The following SLC39A11 variants were observed in gnomAD, a reference collection of about 807,000 sequenced individuals.
The protein encoded by SLC39A11 is zinc transporter ZIP11.
In SLC39A11, 33 loss-of-function variants were observed where a neutral mutation model predicts 36.1. The observed-to-expected ratio is 0.91, with a 90% CI of 0.69 to 1.22. The LOEUF (loss-of-function observed/expected upper bound fraction) is 1.22, where lower values mean the gene tolerates loss of function less well. Among genes scored for constraint, SLC39A11 ranks in the 50% most tolerant of loss-of-function variants. The pLI is 0.00. For missense variants in SLC39A11, 432 were observed against 430.3 expected, an observed-to-expected ratio of 1.00 and a Z score of -0.03; for synonymous variants, 166 against 170.3, an observed-to-expected ratio of 0.97 and a Z score of 0.20.
At chr17:72,731,384 T>A (rs2074207879) in intron 7 of SLC39A11, among the ~76,000 whole-genome samples, 1 of 152,196 alleles carries the variant, frequency 6.6e-6, no homozygotes, top group African/African-American at 2.4e-5. Flanking sequence ...CATGTGGAAT[T>A]GTAATCCCCA....
chr17:72,760,257 G>C (rs1422345552), intron 6 of SLC39A11, among the ~76,000 whole-genome samples: 2 of 152,228 alleles, frequency 1.3e-5, no homozygotes, highest in African/African-American at 4.8e-5. Context: ...TGAACTCCTG[G>C]CTTCAGGCAA....
At chr17:73,089,165 C>T (rs66925860) in intron 1 of SLC39A11, among the ~76,000 whole-genome samples, 26,752 of 152,096 alleles carry the variant, frequency 0.18, 2,492 homozygotes, top group East Asian at 0.26. Flanking sequence ...GCCCACCATC[C>T]GCACTCAGCC....
chr17:72,758,821 T>C (rs1003781947), intron 6 of SLC39A11, among the ~76,000 whole-genome samples: 2 of 152,152 alleles, frequency 1.3e-5, no homozygotes, highest in African/African-American at 2.4e-5. Flanking sequence ...AGCCAGAGTG[T>C]TCCTAACTTG....
At chr17:72,902,187 C>T (rs565412930) in intron 5 of SLC39A11, among the ~76,000 whole-genome samples, 1 of 152,064 alleles carries the variant, frequency 6.6e-6, no homozygotes. Context: ...AGGATAATCG[C>T]TTAAACCTGG....
chr17:72,717,485 T>C (rs568256494), intron 7 of SLC39A11, among the ~76,000 whole-genome samples: 6 of 152,268 alleles, frequency 3.9e-5, no homozygotes, highest in Admixed American at 6.5e-5. Flanking sequence ...CTTGGTGGCA[T>C]TCCCCAGCTT....
intron 5 of SLC39A11, among the ~76,000 whole-genome samples, chr17:72,928,591 C>T (rs1567969567): frequency 6.6e-6 from 1 of 152,000 alleles, no homozygotes. Flanking sequence ...TAGGCTGTGG[C>T]TTTGAAGGAA....
intron 5 of SLC39A11, among the ~76,000 whole-genome samples, chr17:72,886,082 C>T (rs2081424620): frequency 6.6e-6 from 1 of 152,174 alleles, no homozygotes; most frequent in African/African-American, 2.4e-5. Flanking sequence ...CCCCAGTATT[C>T]CTGCATCCTC....
At chr17:72,951,064 C>T (rs975794041) in intron 4 of SLC39A11, among the ~76,000 whole-genome samples, 3 of 150,582 alleles carry the variant, frequency 2.0e-5, no homozygotes, top group East Asian at 2.0e-4. Flanking sequence ...GAGTTCGAGA[C>T]CAGCCTAGGC....
At chr17:72,713,309 C>A (rs1200354333) in intron 7 of SLC39A11, among the ~76,000 whole-genome samples, 2 of 152,186 alleles carry the variant, frequency 1.3e-5, no homozygotes, top group Admixed American at 1.3e-4. Context: ...GCAGCAGCAT[C>A]TCCCTGTTTC....
chr17:72,738,345 A>G (rs963356536), intron 6 of SLC39A11, among the ~76,000 whole-genome samples: 3 of 152,184 alleles, frequency 2.0e-5, no homozygotes, highest in Non-Finnish European at 4.4e-5. Context: ...AGAACATTCC[A>G]GCTTTCAAAG....
intron 3 of SLC39A11, among the ~76,000 whole-genome samples, chr17:73,074,888 G>A (rs1354850317): frequency 6.6e-6 from 1 of 152,150 alleles, no homozygotes; most frequent in Non-Finnish European, 1.5e-5. Context: ...TGATTGGTAA[G>A]ACTGTCTTTC....
intron 3 of SLC39A11, among the ~76,000 whole-genome samples, chr17:73,062,851 T>C (rs943402657): frequency 7.2e-5 from 11 of 152,164 alleles, no homozygotes; most frequent in Non-Finnish European, 1.2e-4. Context: ...CAGTTCACCA[T>C]AGGAGTTGTG....
chr17:72,975,828 T>C (rs2087801099), intron 4 of SLC39A11, among the ~76,000 whole-genome samples: 1 of 152,112 alleles, frequency 6.6e-6, no homozygotes, highest in Non-Finnish European at 1.5e-5. Flanking sequence ...AGGTATGGTG[T>C]ATAGAGCAGG....
chr17:73,030,972 A>G (rs2058720480), intron 4 of SLC39A11, among the ~76,000 whole-genome samples: 1 of 152,168 alleles, frequency 6.6e-6, no homozygotes, highest in African/African-American at 2.4e-5. Context: ...CCCCAATTCC[A>G]GTGCATTTTT....
In SLC39A11 at chr17:72,960,736, A is replaced by C. The variant is rs554134716; in HGVS notation, c.307-12861T>G. 1.2e-4 allele frequency among the ~76,000 whole-genome samples: 19 copies of C among 152,272 alleles called. No individual in the cohort carries two copies. The South Asian group carries it at 3.7e-3, about 30-fold the overall frequency. ...GGAGGCAGGAGGATCGCTTGGGCCC[A>C]ACAGCTGAAGGCTGCAGTGAGCCAT... On this transcript the variant is annotated intron_variant, in intron 4 of 9. Coordinates refer to ENST00000255559, the MANE Select transcript of SLC39A11 (RefSeq NM_139177.4).
At chr17:72,969,811 T>C (rs1410149778) in intron 4 of SLC39A11, among the ~76,000 whole-genome samples, 1 of 152,106 alleles carries the variant, frequency 6.6e-6, no homozygotes, top group Non-Finnish European at 1.5e-5. Flanking sequence ...TCTTTAATAT[T>C]TAAAAAAAAT....
intron 5 of SLC39A11, among the ~76,000 whole-genome samples, chr17:72,902,109 T>TA (rs1567917164): frequency 6.6e-6 from 1 of 151,712 alleles, no homozygotes; most frequent in East Asian, 1.9e-4. Context: ...CCGTCTCTAC[T>TA]AAAAATACAA....
In SLC39A11 at chr17:73,088,688, G is replaced by A; in HGVS notation, c.77C>T (p.Ala26Val). ...ACTAGAGAATACGAACACGAGAGCT[G>A]CCCCAGCTGCTGTCATCCCCCAGGT... ...FFTWGMTAAG[A>V]ALVFVFSSGQ... The change falls in exon 2 of 10, where the codon GCA becomes GTA. Residue 26 changes from alanine (A) to valine (V), a missense_variant. By Grantham distance (64) the Ala-to-Val change is moderately conservative. Transcript: ENST00000255559. 1 of 1,612,640 alleles carries A rather than the reference G, an allele frequency of 6.2e-7. No individual in the cohort carries two copies. The highest frequency in any genetic ancestry group is 8.5e-7 in the Non-Finnish European group (1 of 1,179,406).
chr17:72,778,152 G>A (rs1273212672), intron 6 of SLC39A11, among the ~76,000 whole-genome samples: 1 of 152,122 alleles, frequency 6.6e-6, no homozygotes, highest in Non-Finnish European at 1.5e-5. Flanking sequence ...TAATCCACCC[G>A]CTTCAGCCTC....
Sources: allele counts gnomAD v4.1 joint callset (sites outside exome capture counted in the v4.1 genomes callset), GRCh38; gene constraint gnomAD v4.1.1; transcripts MANE v1.5; gene names NCBI Gene and HGNC (gene_info 2026-07-23, HGNC 2026-07-21).